ADAM32: variants seen among roughly 807,000 people sequenced by gnomAD.
ADAM32 encodes the protein disintegrin and metalloproteinase domain-containing protein 32.
A neutral mutation model predicts 114.9 loss-of-function variants in ADAM32; 89 were observed. The ratio of observed to expected loss-of-function variants is 0.77; its 90% CI spans 0.65 to 0.92. The LOEUF (loss-of-function observed/expected upper bound fraction) is 0.92, where lower values mean the gene tolerates loss of function less well. Ranked by LOEUF, ADAM32 falls within the 40% of genes least tolerant of loss-of-function variation. ADAM32 has a pLI of 0.00. For missense variants in ADAM32, 870 were observed against 932.8 expected (o/e 0.93, Z 0.88); for synonymous variants, 285 against 307.5 (o/e 0.93, Z 0.77).
intron 19 of ADAM32, among the ~76,000 whole-genome samples, chr8:39,261,603 G>A (rs1812033100): frequency 6.6e-6 from 1 of 152,152 alleles, no homozygotes; most frequent in Non-Finnish European, 1.5e-5. Context: ...TATGGTAGTT[G>A]CATTTGTTGT....
rs558188171 is a variant in ADAM32, at chr8:39,263,293, T to C, written c.2162+5950T>C. ...CCTTTGAATTTTAGCATGCACTGTT[T>C]ATGGGATGTCTGCTATCAGTCTAAT... On this transcript the variant is annotated intron_variant, in intron 19 of 24. Coordinates refer to ENST00000379907, the MANE Select transcript of ADAM32 (RefSeq NM_145004.7). Among the ~76,000 whole-genome samples the C allele has an allele frequency of 3.7e-4, 57 of 152,336 alleles. No homozygotes were observed. The East Asian group carries it at 0.01, about 27-fold the overall frequency.
intron 20 of ADAM32, among the ~76,000 whole-genome samples, chr8:39,272,536 G>C (rs1436330737): frequency 6.6e-6 from 1 of 152,118 alleles, no homozygotes; most frequent in African/African-American, 2.4e-5. Flanking sequence ...GTAAGCAACT[G>C]TAACTGATTA....
At chr8:39,222,230 T>C (rs553849824) in intron 13 of ADAM32, among the ~76,000 whole-genome samples, 1 of 152,194 alleles carries the variant, frequency 6.6e-6, no homozygotes, top group Non-Finnish European at 1.5e-5. Flanking sequence ...CATTGACTCC[T>C]GTTTTCTGTT....
rs145010380 is a variant in ADAM32 at position 39,224,049 on chromosome 8, C to CAT, written c.1525+820_1525+821dup. ...ATGTATATATCTATATAAACACAGACATATATATATCATATTTTTAATACA... is the reference window on the plus strand; with the variant it reads ...ATGTATATATCTATATAAACACAGACATATATATATATCATATTTTTAATACA... On this transcript the variant is annotated intron_variant, in intron 14 of 24. Coordinates refer to ENST00000379907, the MANE Select transcript of ADAM32 (RefSeq NM_145004.7). 659 of 152,126 alleles carry CAT rather than the reference C, an allele frequency of 4.3e-3. 3 individuals are homozygous for CAT. The highest frequency in any genetic ancestry group is 0.015 in the African/African-American group (626 of 41,502). 9.4% of individuals were successfully genotyped at this position (152,126 alleles called of 1,614,324 possible).
chr8:39,144,286 A>G (rs1453952399), intron 3 of ADAM32, among the ~76,000 whole-genome samples: 1 of 152,238 alleles, frequency 6.6e-6, no homozygotes, highest in Non-Finnish European at 1.5e-5. Context: ...AAATGCAGAA[A>G]TCACTGCTCT....
chr8:39,222,623 A>C (rs924080314), intron 13 of ADAM32, among the ~76,000 whole-genome samples: 3 of 152,016 alleles, frequency 2.0e-5, no homozygotes, highest in African/African-American at 4.8e-5. Flanking sequence ...GCAGTTTTTT[A>C]TGTTTCACAG....
Position 39,107,806 on chromosome 8 carries a change from C to G in ADAM32, c.31C>G (p.Leu11Val). Residue 11 changes from leucine (L) to valine (V), a missense_variant, in exon 1 of 25, where the codon CTC (leucine) becomes GTC (valine). Coordinates refer to ENST00000379907, the MANE Select transcript of ADAM32 (RefSeq NM_145004.7). ...CCGCCTCTGGTTGCTGCTGGCCGGG[C>G]TCTGCGGCCTCCTGGCGTCAAGACC... MFRLWLLLAG[L>V]CGLLASRPGF... 1 of 1,549,172 alleles carries G rather than the reference C, an allele frequency of 6.5e-7. No homozygotes were observed. Among genetic ancestry groups the G allele is most frequent in the Non-Finnish European group, 8.7e-7 (1 of 1,146,158 alleles).
At chr8:39,115,288 C>G (rs1465315913) in intron 1 of ADAM32, among the ~76,000 whole-genome samples, 2 of 152,050 alleles carry the variant, frequency 1.3e-5, no homozygotes, top group Non-Finnish European at 2.9e-5. Context: ...CTTGAGAAAT[C>G]ACACTGCTGG....
chr8:39,118,061 CTTTTT>C lies in ADAM32; in HGVS notation c.59-15_59-11del. 1.8e-6 allele frequency: 2 copies of C among 1,094,898 alleles called. No individual in the cohort carries two copies. The highest frequency in any genetic ancestry group is 2.5e-6 in the Non-Finnish European group (2 of 799,962). The allele number at this position is 1,094,898 out of a possible 1,614,324, so 67.8% of individuals were successfully genotyped here. A position where few individuals can be genotyped will look rare whatever the true frequency, so the allele number is the denominator to read the frequency against. On this transcript the variant is annotated intron_variant, in intron 1 of 24. Coordinates refer to ENST00000379907, the MANE Select transcript of ADAM32 (RefSeq NM_145004.7). ...AATCAAATTAAGGCAAGGTTACTAA[CTTTTT>C]TTTTTTTTTATCTCTTCAGGTTTTC...
At chr8:39,253,515 AC>A (rs1811440462) in intron 17 of ADAM32, among the ~76,000 whole-genome samples, 1 of 151,676 alleles carries the variant, frequency 6.6e-6, no homozygotes, top group East Asian at 1.9e-4. Context: ...GATTGTATAC[AC>A]AGGAAACCAT....
At chr8:39,134,565 T>G (rs1381464574) in intron 2 of ADAM32, among the ~76,000 whole-genome samples, 1 of 152,156 alleles carries the variant, frequency 6.6e-6, no homozygotes, top group Admixed American at 6.5e-5. Flanking sequence ...CTGTTTGACA[T>G]GTGCTTATCT....
chr8:39,255,315 T>C (rs1297225111), intron 18 of ADAM32, among the ~76,000 whole-genome samples: 2 of 131,154 alleles, frequency 1.5e-5, no homozygotes. Flanking sequence ...CTGTTTTTCG[T>C]AGTGGCTGTG....
At chr8:39,250,670 A>T (rs1811229669) in intron 17 of ADAM32, among the ~76,000 whole-genome samples, 1 of 152,008 alleles carries the variant, frequency 6.6e-6, no homozygotes, top group Non-Finnish European at 1.5e-5. Flanking sequence ...ATTTGTCTTT[A>T]TGCTAAAACA....
intron 6 of ADAM32, among the ~76,000 whole-genome samples, chr8:39,152,720 CAAAAAAAAAAAAAAA>C (rs112877602): frequency 1.5e-5 from 2 of 136,904 alleles, no homozygotes; most frequent in African/African-American, 6.2e-5. Flanking sequence ...GACTCCATCT[CAAAAAAAAAAAAAAA>C]AAAAAAAAAA....
intron 14 of ADAM32, among the ~76,000 whole-genome samples, chr8:39,231,263 G>C (rs549916757): frequency 4.1e-4 from 63 of 152,266 alleles, no homozygotes; most frequent in African/African-American, 1.5e-3. Context: ...GTTCTGAGGT[G>C]CCATGTGACT....
chr8:39,163,729 T>A (rs1804653674), intron 7 of ADAM32, among the ~76,000 whole-genome samples: 1 of 152,144 alleles, frequency 6.6e-6, no homozygotes, highest in Non-Finnish European at 1.5e-5. Flanking sequence ...GTGTAATAAA[T>A]GTAGGATGTG....
At chr8:39,260,995 A>G (rs1811987207) in intron 19 of ADAM32, among the ~76,000 whole-genome samples, 1 of 152,122 alleles carries the variant, frequency 6.6e-6, no homozygotes, top group Non-Finnish European at 1.5e-5. Context: ...ATGTTTCAGT[A>G]TATGTAATGT....
At chr8:39,262,421 C>T (rs1812094197) in intron 19 of ADAM32, among the ~76,000 whole-genome samples, 1 of 152,122 alleles carries the variant, frequency 6.6e-6, no homozygotes, top group African/African-American at 2.4e-5. Flanking sequence ...TGTTTTCATG[C>T]CAGTATCATG....
At chr8:39,233,048 A>G (rs1809852944) in intron 15 of ADAM32, among the ~76,000 whole-genome samples, 1 of 152,188 alleles carries the variant, frequency 6.6e-6, no homozygotes, top group Non-Finnish European at 1.5e-5. Context: ...TCTGCCCAGT[A>G]AGTAACAGAT....
Sources: allele counts gnomAD v4.1 joint callset (sites outside exome capture counted in the v4.1 genomes callset), GRCh38; gene constraint gnomAD v4.1.1; transcripts MANE v1.5; gene names NCBI Gene and HGNC (gene_info 2026-07-23, HGNC 2026-07-21).